B4GALT6: variants seen among roughly 807,000 people sequenced by gnomAD.
B4GALT6 encodes the protein beta-1,4-galactosyltransferase 6.
B4GALT6 carries 14 observed loss-of-function variants against 46.3 expected under a neutral mutation model. That is an observed-to-expected ratio of 0.30 (90% confidence interval 0.20 to 0.47). B4GALT6 has a LOEUF of 0.47. Among genes scored for constraint, B4GALT6 ranks in the 20% least tolerant of loss-of-function variants. The pLI is 0.99. For missense variants in B4GALT6, 386 were observed against 480.1 expected, an observed-to-expected ratio of 0.80 and a Z score of 1.83; for synonymous variants, 168 against 162.0, an observed-to-expected ratio of 1.04 and a Z score of -0.28.
At chr18:31,671,209 G>A (rs536081531) in intron 1 of B4GALT6, among the ~76,000 whole-genome samples, 3 of 152,176 alleles carry the variant, frequency 2.0e-5, no homozygotes, top group South Asian at 2.1e-4. Flanking sequence ...ATAAACATAC[G>A]TGTGCATGTG....
rs1036558673 is a variant in B4GALT6, at chr18:31,684,534, G to C, written c.-108C>G. ...GTGCTGAGAACCCCGAGACTGCAGC[G>C]GGGTCCGCGCGGGGAGGCTCTGGGG... is the stretch of plus-strand genomic sequence containing the variant. On this transcript the variant is annotated 5_prime_UTR_variant, in exon 1 of 9. Coordinates refer to ENST00000306851, the MANE Select transcript of B4GALT6 (RefSeq NM_004775.5). The C allele has an allele frequency of 6.6e-6, 10 of 1,507,332 alleles. No individual in the cohort carries two copies. The highest frequency in any genetic ancestry group is 8.9e-6 in the Non-Finnish European group (10 of 1,126,404). The allele number at this position is 1,507,332 out of a possible 1,614,324, so 93.4% of individuals were successfully genotyped here. A position where few individuals can be genotyped will look rare whatever the true frequency, so the allele number is the denominator to read the frequency against.
chr18:31,667,433 AT>A (rs1001387160), intron 1 of B4GALT6, among the ~76,000 whole-genome samples: 44 of 152,240 alleles, frequency 2.9e-4, no homozygotes, highest in African/African-American at 1.1e-3. Context: ...TGAATGCTGA[AT>A]GAAAAAAATT....
chr18:31,687,616 T>C (rs2029971798), upstream of B4GALT6, among the ~76,000 whole-genome samples: 1 of 152,212 alleles, frequency 6.6e-6, no homozygotes, highest in African/African-American at 2.4e-5. Context: ...AAAAAGATCT[T>C]AATCCTGTAA....
chr18:31,722,133 T>G, the B4GALT6 span, among the ~76,000 whole-genome samples: 2 of 152,136 alleles, frequency 1.3e-5, no homozygotes, highest in Admixed American at 6.5e-5. Context: ...GGTATACACA[T>G]AGCTAGAATA....
chr18:31,706,495 G>T, the B4GALT6 span, among the ~76,000 whole-genome samples: 1 of 152,096 alleles, frequency 6.6e-6, no homozygotes, highest in Non-Finnish European at 1.5e-5. Flanking sequence ...GCTGGGCGTG[G>T]TGGTGGGCAC....
chr18:31,667,477 C>T (rs959804279), intron 1 of B4GALT6, among the ~76,000 whole-genome samples: 1 of 152,170 alleles, frequency 6.6e-6, no homozygotes, highest in Non-Finnish European at 1.5e-5. Flanking sequence ...AGTGCTGCTC[C>T]AGTTTCTCAA....
chr18:31,670,959 T>C (rs2074347928), intron 1 of B4GALT6, among the ~76,000 whole-genome samples: 1 of 151,946 alleles, frequency 6.6e-6, no homozygotes, highest in Non-Finnish European at 1.5e-5. Context: ...TGTCCATGTG[T>C]TCTCATTGTT....
chr18:31,651,431 G>A (rs1567969791), intron 3 of B4GALT6, among the ~76,000 whole-genome samples: 1 of 151,998 alleles, frequency 6.6e-6, no homozygotes, highest in East Asian at 1.9e-4. Flanking sequence ...TAACCTGTTA[G>A]TCACCTTCTA....
intron 4 of B4GALT6, among the ~76,000 whole-genome samples, chr18:31,645,094 T>A (rs1487369377): frequency 6.6e-6 from 1 of 152,146 alleles, no homozygotes; most frequent in Non-Finnish European, 1.5e-5. Context: ...CAAGCCAAAC[T>A]CAAGTCACGT....
chr18:31,644,984 A>T (rs1202577618), intron 4 of B4GALT6, among the ~76,000 whole-genome samples: 1 of 152,258 alleles, frequency 6.6e-6, no homozygotes, highest in Non-Finnish European at 1.5e-5. Flanking sequence ...TGGTGAGGCT[A>T]TGCTTGCAGG....
At chr18:31,681,647 T>A (rs2074481180) in intron 1 of B4GALT6, among the ~76,000 whole-genome samples, 2 of 152,154 alleles carry the variant, frequency 1.3e-5, no homozygotes, top group African/African-American at 4.8e-5. Context: ...TACAACTGTG[T>A]GATGTATCTG....
chr18:31,623,178 T>C lies in B4GALT6; in HGVS notation c.*2436A>G, dbSNP rs543436137. On this transcript the variant is annotated 3_prime_UTR_variant, in exon 9 of 9. Coordinates refer to ENST00000306851, the MANE Select transcript of B4GALT6 (RefSeq NM_004775.5). ...TCCTCCAAACATCCTATAATTTGCA[T>C]TTGCAATGTATTTGTTAATCTTTAT... 1.3e-5 allele frequency: 2 copies of C among 152,158 alleles called. No individual in the cohort carries two copies. Among genetic ancestry groups the C allele is most frequent in the South Asian group, 4.1e-4 (2 of 4,828 alleles). 9.4% of individuals were successfully genotyped at this position (152,158 alleles called of 1,614,324 possible).
chr18:31,689,515 C>T (rs556764291), upstream of B4GALT6, among the ~76,000 whole-genome samples: 130 of 152,120 alleles, frequency 8.5e-4, no homozygotes, highest in Admixed American at 2.3e-3. Context: ...GAGACCAAGG[C>T]GGGTGGATCA....
Position 31,674,202 on chromosome 18 carries a change from T to C in B4GALT6, c.116-7830A>G, listed in dbSNP as rs568367480. Among the ~76,000 whole-genome samples the C allele has an allele frequency of 5.5e-4, 84 of 152,182 alleles. No individual in the cohort carries two copies. The Middle Eastern group carries it at 0.02, about 37-fold the overall frequency. On this transcript the variant is annotated intron_variant, in intron 1 of 8. Transcript: ENST00000306851. ...AGGTACAACTTTCTCCATTAGAAGATGAGAAAACAAACTCAAAAGAAAGTT... is the reference window on the plus strand; with the variant it reads ...AGGTACAACTTTCTCCATTAGAAGACGAGAAAACAAACTCAAAAGAAAGTT...
intron 5 of B4GALT6, among the ~76,000 whole-genome samples, chr18:31,632,910 C>G (rs143420330): frequency 3.3e-5 from 5 of 152,290 alleles, no homozygotes; most frequent in Non-Finnish European, 7.4e-5. Context: ...AAGCCCAACT[C>G]TCCCTTGCCC....
At chr18:31,656,959 A>T (rs1033432536) in intron 3 of B4GALT6, among the ~76,000 whole-genome samples, 3 of 152,224 alleles carry the variant, frequency 2.0e-5, no homozygotes, top group Non-Finnish European at 4.4e-5. Flanking sequence ...GGGAAGTGAA[A>T]ATCGAAACAA....
chr18:31,666,505 G>C (rs535390155), intron 1 of B4GALT6, 133 bp from the exon 2 acceptor site: 1 of 396,468 alleles, frequency 2.5e-6, no homozygotes. Context: ...ACGCAAAACA[G>C]AAATATAAAA....
intron 5 of B4GALT6, among the ~76,000 whole-genome samples, chr18:31,632,176 A>C (rs1277214439): frequency 1.3e-5 from 2 of 152,330 alleles, no homozygotes; most frequent in African/African-American, 4.8e-5. Context: ...CATTGTAGTC[A>C]TCATCAGAGC....
At chr18:31,682,601 C>T (rs566103653) in intron 1 of B4GALT6, among the ~76,000 whole-genome samples, 2 of 152,070 alleles carry the variant, frequency 1.3e-5, no homozygotes, top group Non-Finnish European at 1.5e-5. Context: ...TATACTGACG[C>T]ACTAACTTTA....
Sources: allele counts gnomAD v4.1 joint callset (sites outside exome capture counted in the v4.1 genomes callset), GRCh38; gene constraint gnomAD v4.1.1; transcripts MANE v1.5; gene names NCBI Gene and HGNC (gene_info 2026-07-23, HGNC 2026-07-21).